AUTS2: variants seen among roughly 807,000 people sequenced by gnomAD.
AUTS2 encodes activator of transcription and developmental regulator AUTS2, also known as autism susceptibility gene 2 protein.
In AUTS2, 17 loss-of-function variants were observed where a neutral mutation model predicts 112.4. The ratio of observed to expected loss-of-function variants is 0.15; its 90% CI spans 0.10 to 0.23. The LOEUF (loss-of-function observed/expected upper bound fraction) is 0.23. Ranked by LOEUF, AUTS2 falls within the 10% of genes least tolerant of loss-of-function variation. The probability of loss-of-function intolerance (pLI) is 1.00; values close to 1 mark genes in which losing one functional copy is unlikely to be tolerated. For missense variants in AUTS2, 1,510 were observed against 1,701.6 expected (o/e 0.89, Z 1.98); for synonymous variants, 751 against 702.7 (o/e 1.07, Z -1.09).
chr7:69,714,249 A>ATGTGTGTGTGTGTGTGTGTG lies in AUTS2; in HGVS notation c.309+114309_309+114328dup, dbSNP rs200192496. ...CAGCTAATTGTGCATGTGTGTGTAT[A>ATGTGTGTGTGTGTGTGTGTG]TGTGTGTGTGTGTGTGTGTGTGTGT... On this transcript the variant is annotated intron_variant, in intron 1 of 18. Coordinates refer to ENST00000342771, the MANE Select transcript of AUTS2 (RefSeq NM_015570.4). 8.9e-4 allele frequency among the ~76,000 whole-genome samples: 83 copies of ATGTGTGTGTGTGTGTGTGTG among 92,856 alleles called. 2 individuals are homozygous for ATGTGTGTGTGTGTGTGTGTG. The highest frequency in any genetic ancestry group is 2.3e-3 in the African/African-American group (66 of 28,586). 60.9% of individuals were successfully genotyped at this position (92,856 alleles called of 152,430 possible).
At chr7:70,002,301 C>T (rs535972894) in intron 2 of AUTS2, among the ~76,000 whole-genome samples, 7 of 152,112 alleles carry the variant, frequency 4.6e-5, no homozygotes, top group Admixed American at 1.3e-4. Context: ...AAAATATAGG[C>T]GGGGTGGCAT....
At chr7:70,408,611 A>G (rs1260863868) in intron 4 of AUTS2, among the ~76,000 whole-genome samples, 1 of 152,192 alleles carries the variant, frequency 6.6e-6, no homozygotes, top group Non-Finnish European at 1.5e-5. Context: ...GATAATCATC[A>G]CACTTTTGCC....
chr7:70,011,015 G>A (rs958790544), intron 2 of AUTS2, among the ~76,000 whole-genome samples: 3 of 152,170 alleles, frequency 2.0e-5, no homozygotes, highest in Non-Finnish European at 4.4e-5. Context: ...CAGGCATAAA[G>A]GATGGCCAGA....
chr7:69,882,569 G>C (rs1433378832), intron 1 of AUTS2, among the ~76,000 whole-genome samples: 1 of 152,110 alleles, frequency 6.6e-6, no homozygotes, highest in Admixed American at 6.6e-5. Context: ...TCATAGCTAT[G>C]TGACCTTGGG....
intron 5 of AUTS2, among the ~76,000 whole-genome samples, chr7:70,685,872 C>T (rs949595032): frequency 6.6e-6 from 1 of 152,160 alleles, no homozygotes; most frequent in South Asian, 2.1e-4. Context: ...CACAGATGGT[C>T]GCATCCCTAC....
At chr7:69,987,719 C>T (rs1798572132) in intron 2 of AUTS2, among the ~76,000 whole-genome samples, 1 of 152,158 alleles carries the variant, frequency 6.6e-6, no homozygotes, top group African/African-American at 2.4e-5. Context: ...ATACCCCTGC[C>T]TTGGCTTCCC....
In AUTS2 at chr7:70,195,932, G is replaced by A. The variant is rs78458582; in HGVS notation, c.660+61361G>A. Among the ~76,000 whole-genome samples the A allele has an allele frequency of 3.7e-4, 56 of 152,136 alleles. No individual in the cohort carries two copies. In the East Asian group the frequency reaches 5.8e-3, roughly 16 times the overall value. Reference sequence around the variant, plus strand: ...CCATGTTACTACTCAGAGTAATAACGAAACACCTATTATTGTCATTATCTG... The same window carrying A: ...CCATGTTACTACTCAGAGTAATAACAAAACACCTATTATTGTCATTATCTG... On this transcript the variant is annotated intron_variant, in intron 4 of 18. Coordinates refer to ENST00000342771, the MANE Select transcript of AUTS2 (RefSeq NM_015570.4).
At chr7:70,183,208 A>G (rs1809413031) in intron 4 of AUTS2, among the ~76,000 whole-genome samples, 1 of 152,184 alleles carries the variant, frequency 6.6e-6, no homozygotes, top group Admixed American at 6.5e-5. Flanking sequence ...TGAGAAAAAA[A>G]AATCCTCAAG....
At chr7:69,692,547 T>G (rs1562814979) in intron 1 of AUTS2, among the ~76,000 whole-genome samples, 1 of 152,276 alleles carries the variant, frequency 6.6e-6, no homozygotes, top group Non-Finnish European at 1.5e-5. Context: ...TGTATCCTTA[T>G]GTCTTTCAAT....
Position 70,744,885 on chromosome 7 carries a change from G to C in AUTS2, c.743-17985G>C, listed in dbSNP as rs73706460. On this transcript the variant is annotated intron_variant, in intron 6 of 18. Transcript: ENST00000342771. ...CTCATGAGCAGGCAAAGGAGCAGGG[G>C]ACGGTTTCTTCCAGATCACCCTTCC... Among the ~76,000 whole-genome samples the C allele has an allele frequency of 3.4e-3, 513 of 152,226 alleles. 5 individuals are homozygous for C. The highest frequency in any genetic ancestry group is 0.012 in the African/African-American group (506 of 41,560).
chr7:69,882,150 CAAAAAAAAAAAA>C (rs57238970), intron 1 of AUTS2, among the ~76,000 whole-genome samples: 1 of 57,134 alleles, frequency 1.8e-5, no homozygotes, highest in South Asian at 7.1e-4. Flanking sequence ...AACTCTGTCT[CAAAAAAAAAAAA>C]AAAAAAAAAA....
intron 1 of AUTS2, among the ~76,000 whole-genome samples, chr7:69,864,048 A>C (rs1793111161): frequency 6.6e-6 from 1 of 152,138 alleles, no homozygotes. Flanking sequence ...TCCCAAGCAA[A>C]ATAAATCACT....
At chr7:70,531,878 G>A (rs780115322) in intron 5 of AUTS2, among the ~76,000 whole-genome samples, 7 of 152,204 alleles carry the variant, frequency 4.6e-5, no homozygotes, top group African/African-American at 1.2e-4. Context: ...ACTATTTTAA[G>A]TAGCTCATAA....
chr7:69,767,463 A>T (rs1788476831), intron 1 of AUTS2, among the ~76,000 whole-genome samples: 1 of 152,180 alleles, frequency 6.6e-6, no homozygotes. Context: ...TAGAGACGTG[A>T]GCCACCAGCC....
At chr7:69,777,719 G>A (rs573521376) in intron 1 of AUTS2, among the ~76,000 whole-genome samples, 1 of 152,178 alleles carries the variant, frequency 6.6e-6, no homozygotes, top group Admixed American at 6.5e-5. Flanking sequence ...TTAAAAATTA[G>A]GCTTCCGAGA....
intron 6 of AUTS2, among the ~76,000 whole-genome samples, chr7:70,721,351 T>C (rs1382069443): frequency 6.7e-6 from 1 of 149,890 alleles, no homozygotes; most frequent in East Asian, 2.0e-4. Context: ...CAGGCTGGAG[T>C]GCAATGGCAT....
chr7:70,408,140 C>CACTGCACTGT (rs1488889650), intron 4 of AUTS2, among the ~76,000 whole-genome samples: 2 of 150,828 alleles, frequency 1.3e-5, no homozygotes, highest in African/African-American at 4.9e-5. Flanking sequence ...GTAATCGCAC[C>CACTGCACTGT]ACTGCACTCC....
chr7:70,461,593 C>T (rs1019330706), intron 5 of AUTS2, among the ~76,000 whole-genome samples: 10 of 152,284 alleles, frequency 6.6e-5, no homozygotes, highest in African/African-American at 2.2e-4. Flanking sequence ...TCATAGTAAT[C>T]GCTAACATTG....
At chr7:70,408,646 TC>T (rs1419211160) in intron 4 of AUTS2, among the ~76,000 whole-genome samples, 2 of 151,942 alleles carry the variant, frequency 1.3e-5, no homozygotes, top group African/African-American at 4.8e-5. Context: ...ATAAATTACT[TC>T]CCCCACCACC....
Sources: allele counts gnomAD v4.1 joint callset (sites outside exome capture counted in the v4.1 genomes callset), GRCh38; gene constraint gnomAD v4.1.1; transcripts MANE v1.5; gene names NCBI Gene and HGNC (gene_info 2026-07-23, HGNC 2026-07-21).